The following PTBP3 variants were observed in gnomAD, a reference collection of about 807,000 sequenced individuals.
PTBP3 encodes the protein polypyrimidine tract-binding protein 3.
A neutral mutation model predicts 58.7 loss-of-function variants in PTBP3; 20 were observed. The ratio of observed to expected loss-of-function variants is 0.34; its 90% CI spans 0.24 to 0.50. The LOEUF is 0.50. PTBP3 is among the 20% of genes least tolerant of loss of function. PTBP3 has a pLI of 0.98. For missense variants in PTBP3, 509 were observed against 637.2 expected (o/e 0.80, Z 2.17); for synonymous variants, 185 against 219.8 (o/e 0.84, Z 1.40).
intron 2 of PTBP3, among the ~76,000 whole-genome samples, chr9:112,283,803 C>CCCTGCTG (rs1335097403): frequency 6.6e-6 from 1 of 152,230 alleles, no homozygotes; most frequent in East Asian, 1.9e-4. Flanking sequence ...CTGGCCTGGG[C>CCCTGCTG]CCTGCTGCTC....
chr9:112,329,247 T>C (rs1470710141), intron 1 of PTBP3, among the ~76,000 whole-genome samples: 1 of 151,878 alleles, frequency 6.6e-6, no homozygotes, highest in Non-Finnish European at 1.5e-5. Context: ...CCCGTCTCTA[T>C]TAAAAATACA....
At chr9:112,227,796 T>C (rs1835050795) in intron 11 of PTBP3, among the ~76,000 whole-genome samples, 169 bp from the exon 12 acceptor site, 1 of 152,194 alleles carries the variant, frequency 6.6e-6, no homozygotes, top group Non-Finnish European at 1.5e-5. Flanking sequence ...ATATATTAAA[T>C]GACTTCATTT....
intron 2 of PTBP3, among the ~76,000 whole-genome samples, chr9:112,279,099 T>C (rs1253345787): frequency 1.3e-5 from 2 of 152,162 alleles, no homozygotes; most frequent in Non-Finnish European, 2.9e-5. Flanking sequence ...AAGGGTTATA[T>C]GTAAAGATTT....
At chr9:112,367,678 C>T in the PTBP3 span, among the ~76,000 whole-genome samples, 1 of 152,006 alleles carries the variant, frequency 6.6e-6, no homozygotes, top group African/African-American at 2.4e-5. Context: ...ATGATGGTTC[C>T]CTTGTATGTA....
In PTBP3 at chr9:112,289,055, G is replaced by T. The variant is rs573611615; in HGVS notation, c.34+8777C>A. Among the ~76,000 whole-genome samples the T allele has an allele frequency of 4.6e-5, 7 of 152,302 alleles. No individual in the cohort carries two copies. The South Asian group carries it at 1.5e-3, about 32-fold the overall frequency. Reference sequence around the variant, plus strand: ...TAAGCACGTGCCTATCAGAAAAAAGGACTACATTCTTAGCTTCCTAAGTAG... The same window carrying T: ...TAAGCACGTGCCTATCAGAAAAAAGTACTACATTCTTAGCTTCCTAAGTAG... On this transcript the variant is annotated intron_variant, in intron 2 of 13. Coordinates refer to ENST00000374257, the MANE Select transcript of PTBP3 (RefSeq NM_001163788.4).
chr9:112,349,331 G>A, the PTBP3 span, among the ~76,000 whole-genome samples: 258 of 152,194 alleles, frequency 1.7e-3, 2 homozygotes, highest in South Asian at 0.015. Flanking sequence ...TCTTCCATCC[G>A]AGTGTTCCTG....
the PTBP3 span, among the ~76,000 whole-genome samples, chr9:112,377,590 T>TAGCCAAATTTA: frequency 6.6e-6 from 1 of 152,184 alleles, no homozygotes; most frequent in Non-Finnish European, 1.5e-5. Context: ...TGGTTTAAAT[T>TAGCCAAATTTA]AGCCAAATTA....
chr9:112,226,953 G>T (rs1470203948), intron 12 of PTBP3, among the ~76,000 whole-genome samples: 1 of 152,158 alleles, frequency 6.6e-6, no homozygotes, highest in Non-Finnish European at 1.5e-5. Context: ...GTGGCTACAG[G>T]AAAATAACGT....
At chr9:112,351,469 T>A in the PTBP3 span, among the ~76,000 whole-genome samples, 8 of 152,350 alleles carry the variant, frequency 5.3e-5, no homozygotes, top group Admixed American at 1.3e-4. Context: ...GTCTGTCAAT[T>A]TTCTTCACTC....
chr9:112,326,765 C>T (rs7047847), intron 1 of PTBP3, among the ~76,000 whole-genome samples: 129,236 of 152,250 alleles, frequency 0.85, 55,269 homozygotes, highest in African/African-American at 0.95. Context: ...ATAAGCCAGC[C>T]AGTTAATAAT....
chr9:112,290,685 A>T lies in PTBP3; in HGVS notation c.34+7147T>A, dbSNP rs1214249085. 1.6e-3 allele frequency among the ~76,000 whole-genome samples: 60 copies of T among 38,410 alleles called. 1 individual carries two copies. The highest frequency in any genetic ancestry group is 6.7e-3 in the African/African-American group (56 of 8,310). The allele number at this position is 38,410 out of a possible 152,430, so 25.2% of individuals were successfully genotyped here. A position where few individuals can be genotyped will look rare whatever the true frequency, so the allele number is the denominator to read the frequency against. ...AGACTCTGTCTTTAAAAAAAAAAAA[A>T]AAATATATATATATATATATATACA... On this transcript the variant is annotated intron_variant, in intron 2 of 13. Transcript: ENST00000374257.
chr9:112,342,602 G>A, the PTBP3 span, among the ~76,000 whole-genome samples: 4 of 152,100 alleles, frequency 2.6e-5, no homozygotes, highest in African/African-American at 9.7e-5. Flanking sequence ...TGTAATCTCA[G>A]CTACTCAGGA....
intron 2 of PTBP3, among the ~76,000 whole-genome samples, chr9:112,278,731 T>C (rs919390677): frequency 2.0e-5 from 3 of 152,212 alleles, no homozygotes; most frequent in African/African-American, 2.4e-5. Flanking sequence ...TGAAATCAGA[T>C]ATCCTGTTCT....
chr9:112,292,735 G>T (rs762951128), intron 2 of PTBP3, among the ~76,000 whole-genome samples: 2 of 152,146 alleles, frequency 1.3e-5, no homozygotes, highest in African/African-American at 4.8e-5. Context: ...CAAACTCTTG[G>T]AAACAGAAAG....
At chr9:112,275,362 T>C (rs543467188) in intron 3 of PTBP3, among the ~76,000 whole-genome samples, 5 of 152,152 alleles carry the variant, frequency 3.3e-5, no homozygotes, top group Admixed American at 2.0e-4. Context: ...CTCGAACTCC[T>C]GACCTCAGGT....
intron 1 of PTBP3, among the ~76,000 whole-genome samples, chr9:112,327,020 C>A (rs193106003): frequency 6.6e-6 from 1 of 151,516 alleles, no homozygotes; most frequent in Non-Finnish European, 1.5e-5. Flanking sequence ...GGGTTCAACA[C>A]CAGCCTGGAC....
intron 2 of PTBP3, among the ~76,000 whole-genome samples, chr9:112,290,695 T>C (rs1222228041): frequency 1.2e-4 from 9 of 76,854 alleles, no homozygotes; most frequent in African/African-American, 5.4e-4. Flanking sequence ...AAAATATATA[T>C]ATATATATAT....
chr9:112,355,606 C>T, the PTBP3 span, among the ~76,000 whole-genome samples: 1 of 151,238 alleles, frequency 6.6e-6, no homozygotes, highest in Non-Finnish European at 1.5e-5. Context: ...TACAAAATGG[C>T]TAAGAACTCT....
chr9:112,261,064 C>T (rs1836574172), intron 5 of PTBP3, among the ~76,000 whole-genome samples: 1 of 152,188 alleles, frequency 6.6e-6, no homozygotes, highest in Admixed American at 6.5e-5. Context: ...GTTACAGTAG[C>T]AACCCCGGAA....
Sources: allele counts gnomAD v4.1 joint callset (sites outside exome capture counted in the v4.1 genomes callset), GRCh38; gene constraint gnomAD v4.1.1; transcripts MANE v1.5; gene names NCBI Gene and HGNC (gene_info 2026-07-23, HGNC 2026-07-21).